The following BRWD3 variants were observed in gnomAD, a reference collection of about 807,000 sequenced individuals.
BRWD3 encodes the protein bromodomain and WD repeat-containing protein 3.
Under a neutral mutation model 149.7 loss-of-function variants are expected in BRWD3, and 10 were observed. The ratio of observed to expected loss-of-function variants is 0.07; its 90% CI spans 0.04 to 0.11. The LOEUF (loss-of-function observed/expected upper bound fraction) is 0.11, where lower values mean the gene tolerates loss of function less well. BRWD3 is among the 10% of genes least tolerant of loss of function. The probability of loss-of-function intolerance (pLI) is 1.00; values close to 1 mark genes in which losing one functional copy is unlikely to be tolerated. For synonymous variants in BRWD3, 504 were observed against 456.7 expected (o/e 1.10, Z -1.32); for missense variants, 940 against 1,373.2 (o/e 0.68, Z 4.99).
intron 11 of BRWD3, 138 bp from the exon 12 acceptor site, chrX:80,733,634 G>C: frequency 2.1e-6 from 1 of 473,168 alleles, no homozygotes; most frequent in Non-Finnish European, 3.6e-6. Flanking sequence ...CCAAAACAAT[G>C]TACTAACTAT....
In BRWD3 at chrX:80,809,643, T is replaced by G. The variant is rs914003572; in HGVS notation, c.-172A>C. On this transcript the variant is annotated 5_prime_UTR_variant, in exon 1 of 41. It removes an upstream start codon present in the reference 5' UTR. Transcript: ENST00000373275. ...ATTCATCGCATCACGTTTCGACCCA[T>G]AGATATTCTAGCCCAAGAGCTGAGG... 2.3e-6 allele frequency: 1 copy of G among 435,674 alleles called. No individual in the cohort carries two copies. The highest frequency in any genetic ancestry group is 3.7e-5 in the East Asian group (1 of 26,667). 35.9% of individuals were successfully genotyped at this position (435,674 alleles called of 1,213,427 possible).
Position 80,744,126 on chromosome X carries a change from C to G in BRWD3, c.719G>C (p.Gly240Ala). 1 of 1,211,038 alleles carries G rather than the reference C, an allele frequency of 8.3e-7. No individual in the cohort carries two copies. The highest frequency in any genetic ancestry group is 1.1e-6 in the Non-Finnish European group (1 of 894,850). Residue 240 changes from glycine (G) to alanine (A), a missense_variant, in exon 8 of 41, where the codon GGC becomes GCC. By Grantham distance (60) the Gly-to-Ala change is moderately conservative. Around this residue, in one of 6 missense-constraint regions of BRWD3, gnomAD observed 209 missense variants for 396.8 expected, o/e 0.53. Transcript: ENST00000373275. ...VNYENTLIAA[G>A]SCDKVVRVWC... ...TACTCTTACTACCTTATCACAGCTG[C>G]CTGCAGCAATAAGAGTGTTTTCATA...
chrX:80,684,673 T>C (rs1161172168), intron 36 of BRWD3, among the ~76,000 whole-genome samples: 1 of 111,469 alleles, frequency 9.0e-6, no homozygotes, highest in Admixed American at 9.6e-5. Flanking sequence ...ATGTGATACC[T>C]TTGCTTCATC....
Position 80,717,766 on chromosome X carries a change from C to T in BRWD3, c.2045-7G>A. 8.3e-7 allele frequency: 1 copy of T among 1,207,547 alleles called. No homozygotes were observed. Among genetic ancestry groups the T allele is most frequent in the Non-Finnish European group, 1.1e-6 (1 of 891,956 alleles). ...ATGTTTGGACTTCTCAGAGCTAAAA[C>T]AAAAACAAGGAAAATTATCACTTTG... On this transcript the variant is annotated splice_polypyrimidine_tract_variant and splice_region_variant and intron_variant, in intron 18 of 40. Transcript: ENST00000373275.
intron 6 of BRWD3, among the ~76,000 whole-genome samples, chrX:80,759,259 G>A (rs758996970): frequency 5.3e-4 from 59 of 112,014 alleles, no homozygotes; most frequent in African/African-American, 1.8e-3. Context: ...GAATAAACCT[G>A]TCTAAAATTT....
At position 80,687,037 on chromosome X, in the gene BRWD3, C is replaced by T. The variant is rs781182458; in HGVS notation, c.3865-34G>A. 7 of 1,180,241 alleles carry T rather than the reference C, an allele frequency of 5.9e-6. No individual in the cohort carries two copies. The East Asian group carries it at 1.8e-4, about 31-fold the overall frequency. On this transcript the variant is annotated intron_variant, in intron 34 of 40. Coordinates refer to ENST00000373275, the MANE Select transcript of BRWD3 (RefSeq NM_153252.5). ...TTTAATAGAGTTATATCTAAAAGAT[C>T]TTTCCTTAACTCAGTTGATTTTCTC...
intron 8 of BRWD3, among the ~76,000 whole-genome samples, chrX:80,742,035 T>C (rs769579138): frequency 7.9e-4 from 88 of 111,995 alleles, no homozygotes; most frequent in African/African-American, 2.7e-3. Flanking sequence ...AGGGTTTTTA[T>C]GGTTTCAGGT....
rs1010751593 is a variant in BRWD3 at position 80,713,606 on chromosome X, T to C, written c.2325+2551A>G. Among the ~76,000 whole-genome samples, 285 of 110,095 alleles carry C rather than the reference T, an allele frequency of 2.6e-3. 3 individuals are homozygous for C. Among genetic ancestry groups the C allele is most frequent in the African/African-American group, 8.3e-3 (249 of 30,097 alleles). On this transcript the variant is annotated intron_variant, in intron 20 of 40. Transcript: ENST00000373275. ...AAAACCAGAGACCTTTGTTCACTTG[T>C]TTATCTGCTGACCTTCCCTCCACTA...
intron 6 of BRWD3, chrX:80,746,838 A>G: frequency 1.3e-6 from 1 of 751,316 alleles, no homozygotes. Flanking sequence ...AGAGCAATGA[A>G]GTCTTTCTTT....
In BRWD3 at chrX:80,809,595, G is replaced by C. The variant is rs772543556; in HGVS notation, c.-124C>G. 1 of 463,379 alleles carries C rather than the reference G, an allele frequency of 2.2e-6. No homozygotes were observed. The highest frequency in any genetic ancestry group is 3.8e-6 in the Non-Finnish European group (1 of 265,199). 38.2% of individuals were successfully genotyped at this position (463,379 alleles called of 1,213,427 possible). On this transcript the variant is annotated 5_prime_UTR_variant, in exon 1 of 41. Transcript: ENST00000373275. ...TCCCGCCGCTTCCGCCGCACTCCTC[G>C]TCCTAGTTTCGCTCTCTCTCGAATT...
intron 8 of BRWD3, among the ~76,000 whole-genome samples, chrX:80,741,517 G>T (rs1450749429): frequency 1.8e-5 from 2 of 111,770 alleles, no homozygotes; most frequent in African/African-American, 6.5e-5. Context: ...CTAGTTTACA[G>T]TCCCACCAAC....
chrX:80,756,078 A>G (rs2073732711), intron 6 of BRWD3, among the ~76,000 whole-genome samples: 1 of 111,967 alleles, frequency 8.9e-6, no homozygotes, highest in African/African-American at 3.2e-5. Context: ...GAAAAATCTA[A>G]CATAAGGTAT....
chrX:80,778,909 G>C (rs951518607), intron 6 of BRWD3, among the ~76,000 whole-genome samples: 3 of 112,041 alleles, frequency 2.7e-5, no homozygotes, highest in Admixed American at 9.4e-5. Context: ...TGAGGCATGA[G>C]AATTGCTTGA....
chrX:80,749,676 T>C (rs1331744734), intron 6 of BRWD3, among the ~76,000 whole-genome samples: 4 of 110,635 alleles, frequency 3.6e-5, no homozygotes, highest in Admixed American at 9.7e-5. Flanking sequence ...CCCAACAACA[T>C]TTACAGATCT....
At chrX:80,685,738 C>T (rs1013616492) in intron 35 of BRWD3, among the ~76,000 whole-genome samples, 3 of 111,728 alleles carry the variant, frequency 2.7e-5, no homozygotes, top group African/African-American at 9.7e-5. Flanking sequence ...ACCCAAATTC[C>T]CTACAAGCAA....
At chrX:80,705,128 T>G (rs2072844776) in intron 22 of BRWD3, among the ~76,000 whole-genome samples, 1 of 110,541 alleles carries the variant, frequency 9.0e-6, no homozygotes, top group Admixed American at 9.7e-5. Flanking sequence ...TAGCCGGGTG[T>G]GATGGCACAC....
At chrX:80,699,394 T>C (rs1435999761) in intron 25 of BRWD3, among the ~76,000 whole-genome samples, 1 of 111,033 alleles carries the variant, frequency 9.0e-6, no homozygotes, top group Non-Finnish European at 1.9e-5. Context: ...GGTGTATGTA[T>C]ACCTATGTCT....
intron 39 of BRWD3, among the ~76,000 whole-genome samples, chrX:80,681,774 A>T (rs2072451408): frequency 8.9e-6 from 1 of 111,829 alleles, no homozygotes; most frequent in South Asian, 3.7e-4. Context: ...ATAAAATTTT[A>T]AAACTAAGAG....
chrX:80,675,578 T>C lies in BRWD3; in HGVS notation c.*1031A>G, dbSNP rs1207785358. 8.9e-6 allele frequency: 1 copy of C among 112,070 alleles called. No individual in the cohort carries two copies. The highest frequency in any genetic ancestry group is 3.2e-5 in the African/African-American group (1 of 30,901). 9.2% of individuals were successfully genotyped at this position (112,070 alleles called of 1,213,427 possible). ...ATACAATTATTAACAACCTCTCAGC[T>C]TATAACTTATGGGGTATTCATTCCT... On this transcript the variant is annotated 3_prime_UTR_variant, in exon 41 of 41. Coordinates refer to ENST00000373275, the MANE Select transcript of BRWD3 (RefSeq NM_153252.5).
Sources: allele counts gnomAD v4.1 joint callset (sites outside exome capture counted in the v4.1 genomes callset), GRCh38; gene constraint gnomAD v4.1.1; regional missense constraint gnomAD v4.1.1; transcripts MANE v1.5; gene names NCBI Gene and HGNC (gene_info 2026-07-23, HGNC 2026-07-21).